HAUS6: variants seen among roughly 807,000 people sequenced by gnomAD.
The protein encoded by HAUS6 is HAUS augmin like complex subunit 6.
Under a neutral mutation model 106.8 loss-of-function variants are expected in HAUS6, and 80 were observed. That is an observed-to-expected ratio of 0.75 (90% confidence interval 0.63 to 0.90). HAUS6 has a LOEUF of 0.90. Among genes scored for constraint, HAUS6 ranks in the 40% least tolerant of loss-of-function variants. The pLI is 0.00. For missense variants in HAUS6, 1,155 were observed against 1,118.1 expected (o/e 1.03, Z -0.47); for synonymous variants, 356 against 379.1 (o/e 0.94, Z 0.71).
At chr9:19,061,403 C>G (rs1186094345) in intron 14 of HAUS6, among the ~76,000 whole-genome samples, 1 of 152,068 alleles carries the variant, frequency 6.6e-6, no homozygotes, top group Non-Finnish European at 1.5e-5. Flanking sequence ...TGTGTTTTTC[C>G]TTTCAAAATT....
chr9:19,089,750 A>G, intron 4 of HAUS6, 191 bp from the exon 5 acceptor site: 1 of 531,962 alleles, frequency 1.9e-6, no homozygotes, highest in Non-Finnish European at 3.3e-6. Context: ...CAATATTAAG[A>G]AATTAAATTA....
At chr9:19,094,417 G>C (rs375348136) in intron 2 of HAUS6, 22 bp from the exon 3 acceptor site, 4 of 1,424,732 alleles carry the variant, frequency 2.8e-6, no homozygotes, top group African/African-American at 2.8e-5. Flanking sequence ...AAATAAAAGC[G>C]TAAGGACTAT....
chr9:19,064,053 C>T (rs372746896), intron 12 of HAUS6, among the ~76,000 whole-genome samples: 29 of 151,914 alleles, frequency 1.9e-4, no homozygotes, highest in Admixed American at 1.6e-3. Context: ...CCACGACCTC[C>T]GCCTCCCAGG....
At chr9:19,094,618 C>G (rs917252542) in intron 2 of HAUS6, among the ~76,000 whole-genome samples, 1 of 152,038 alleles carries the variant, frequency 6.6e-6, no homozygotes, top group Non-Finnish European at 1.5e-5. Context: ...ATGGAGAAAT[C>G]CCGTCTCTAT....
chr9:19,080,612 A>G lies in HAUS6; in HGVS notation c.931T>C (p.Leu311=). 1 of 1,601,296 alleles carries G rather than the reference A, an allele frequency of 6.2e-7. No individual in the cohort carries two copies. The part of the protein sequence containing the change: ...KLNLLTVIQL[L]NEVLKVMKYE... ...TTCATCACCTTCAAGACTTCATTTA[A>G]TAACTGAATAACTGTTAAGAGGTTC... The change falls in exon 9 of 17, where the codon TTA becomes CTA. Residue 311 remains leucine (L), a synonymous_variant. Coordinates refer to ENST00000380502, the MANE Select transcript of HAUS6 (RefSeq NM_017645.5).
intron 2 of HAUS6, among the ~76,000 whole-genome samples, 171 bp downstream of exon 2, chr9:19,096,503 T>C (rs775865831): frequency 3.0e-5 from 4 of 135,398 alleles, no homozygotes; most frequent in Middle Eastern, 5.1e-3. Flanking sequence ...AGGCAGAGGT[T>C]GCAGTGAGCC....
At chr9:19,089,643 C>T (rs1023081918) in intron 4 of HAUS6, 84 bp from the exon 5 acceptor site, 11 of 970,016 alleles carry the variant, frequency 1.1e-5, no homozygotes, top group Non-Finnish European at 1.5e-5. Context: ...GTGTCACTAA[C>T]GTTGGTGGTA....
intron 1 of HAUS6, among the ~76,000 whole-genome samples, chr9:19,100,692 A>T (rs1182860941): frequency 6.6e-6 from 1 of 152,222 alleles, no homozygotes; most frequent in East Asian, 1.9e-4. Context: ...TTGAATGGAT[A>T]AAGAAAACAG....
intron 4 of HAUS6, among the ~76,000 whole-genome samples, chr9:19,092,631 A>C (rs1817777379): frequency 6.8e-6 from 1 of 147,914 alleles, no homozygotes; most frequent in African/African-American, 2.5e-5. Context: ...AAAAAAAAAA[A>C]AAAAAAAAAA....
intron 8 of HAUS6, among the ~76,000 whole-genome samples, chr9:19,081,369 A>T (rs1837145974): frequency 6.6e-6 from 1 of 152,150 alleles, no homozygotes; most frequent in African/African-American, 2.4e-5. Flanking sequence ...TCTGTACTTA[A>T]ATATGTTTCT....
chr9:19,090,290 T>G (rs757113662), intron 4 of HAUS6, among the ~76,000 whole-genome samples: 3 of 152,192 alleles, frequency 2.0e-5, no homozygotes, highest in Non-Finnish European at 4.4e-5. Context: ...AGAAATACAT[T>G]TATATCCGTA....
At chr9:19,090,258 C>A (rs1817715349) in intron 4 of HAUS6, among the ~76,000 whole-genome samples, 1 of 152,128 alleles carries the variant, frequency 6.6e-6, no homozygotes, top group African/African-American at 2.4e-5. Context: ...TAAAAAAATT[C>A]TTATTATAAT....
chr9:19,077,416 T>C (rs562523762), intron 10 of HAUS6, among the ~76,000 whole-genome samples: 1 of 152,220 alleles, frequency 6.6e-6, no homozygotes, highest in East Asian at 1.9e-4. Context: ...GCACCTTTAG[T>C]CCCGGCTACT....
intron 8 of HAUS6, 33 bp from the exon 9 acceptor site, chr9:19,080,705 A>C: frequency 8.0e-7 from 1 of 1,255,412 alleles, no homozygotes; most frequent in South Asian, 1.3e-5. Context: ...AAATTGGTGA[A>C]CTATAGGTTG....
At chr9:19,066,788 G>GT (rs977319682) in intron 12 of HAUS6, among the ~76,000 whole-genome samples, 2 of 136,692 alleles carry the variant, frequency 1.5e-5, no homozygotes, top group African/African-American at 5.8e-5. Context: ...GAGCTCAGAA[G>GT]TTTGAGACCA....
intron 16 of HAUS6, chr9:19,057,553 T>C (rs4977492): frequency 0.4 from 72,676 of 180,440 alleles, 16,610 homozygotes; most frequent in African/African-American, 0.65. Context: ...CCTAGGAAAC[T>C]AATACACTGA....
intron 1 of HAUS6, 120 bp from the exon 2 acceptor site, chr9:19,096,889 G>A: frequency 4.2e-6 from 2 of 481,306 alleles, no homozygotes; most frequent in East Asian, 3.6e-5. Flanking sequence ...GGAAGTCAAG[G>A]CAAATTAATT....
chr9:19,056,448 A>G, intron 16 of HAUS6, 44 bp from the exon 17 acceptor site: 1 of 1,063,730 alleles, frequency 9.4e-7, no homozygotes, highest in Non-Finnish European at 1.5e-6. Context: ...ATTACAAAGA[A>G]AAATAAACAA....
At chr9:19,092,866 A>C (rs1458308825) in intron 4 of HAUS6, among the ~76,000 whole-genome samples, 1 of 148,362 alleles carries the variant, frequency 6.7e-6, no homozygotes, top group Non-Finnish European at 1.5e-5. Flanking sequence ...CAGAGGTTGG[A>C]GTGAGCCAAG....
Sources: gnomAD v4.1 joint callset for allele counts (sites outside exome capture counted in the v4.1 genomes callset) on GRCh38, gnomAD v4.1.1 for gene constraint, MANE v1.5 for transcripts, NCBI Gene and HGNC (gene_info 2026-07-23, HGNC 2026-07-21) for gene names.